DNAJC11: variants seen among roughly 807,000 people sequenced by gnomAD.
DNAJC11 encodes DnaJ heat shock protein family (Hsp40) member C11.
A neutral mutation model predicts 78.6 loss-of-function variants in DNAJC11; 15 were observed. The ratio of observed to expected loss-of-function variants is 0.19; its 90% CI spans 0.13 to 0.29. The LOEUF (loss-of-function observed/expected upper bound fraction) is 0.29, where lower values mean the gene tolerates loss of function less well. DNAJC11 is among the 10% of genes least tolerant of loss of function. DNAJC11 has a pLI of 1.00. For missense variants in DNAJC11, 547 were observed against 709.6 expected, an observed-to-expected ratio of 0.77 and a Z score of 2.60; for synonymous variants, 292 against 272.1, an observed-to-expected ratio of 1.07 and a Z score of -0.72.
chr1:6,665,798 TC>T (rs1642284724), intron 4 of DNAJC11, among the ~76,000 whole-genome samples: 1 of 152,112 alleles, frequency 6.6e-6, no homozygotes, highest in Non-Finnish European at 1.5e-5. Flanking sequence ...ACAGCAAACC[TC>T]CAGCCAGAAC....
intron 3 of DNAJC11, among the ~76,000 whole-genome samples, chr1:6,668,434 G>A (rs1018855348): frequency 3.3e-5 from 5 of 151,896 alleles, no homozygotes; most frequent in African/African-American, 9.7e-5. Flanking sequence ...CCACTGCGCC[G>A]GCCTACCTTA....
intron 14 of DNAJC11, among the ~76,000 whole-genome samples, chr1:6,636,450 C>T (rs1418133221): frequency 6.6e-6 from 1 of 152,198 alleles, no homozygotes; most frequent in Non-Finnish European, 1.5e-5. Context: ...CACACTAAGA[C>T]AGGGCCACCA....
intron 4 of DNAJC11, 34 bp from the exon 5 acceptor site, chr1:6,654,073 G>T: frequency 6.2e-7 from 1 of 1,605,750 alleles, no homozygotes; most frequent in Non-Finnish European, 8.5e-7. Context: ...AGCAGAACGG[G>T]TGGTATTTGT....
In DNAJC11 at chr1:6,653,735, A is replaced by G. The variant is rs573141918; in HGVS notation, c.507+176T>C. ...CACTCCTGCTGGCTCACATGCCAGC[A>G]CAGCGGTAACACACGGCTGGGAATG... On this transcript the variant is annotated intron_variant, in intron 5 of 15. Coordinates refer to ENST00000377577, the MANE Select transcript of DNAJC11 (RefSeq NM_018198.4). The surrounding 1 kb of genome is among the most constrained non-coding windows in gnomAD (Gnocchi z 4.5). 4.6e-4 allele frequency: 369 copies of G among 800,474 alleles called. No individual in the cohort carries two copies. The highest frequency in any genetic ancestry group is 6.4e-4 in the Non-Finnish European group (345 of 540,884). The allele number at this position is 800,474 out of a possible 1,614,324, so 49.6% of individuals were successfully genotyped here. A position where few individuals can be genotyped will look rare whatever the true frequency, so the allele number is the denominator to read the frequency against.
At chr1:6,669,610 T>C (rs1404970694) in intron 3 of DNAJC11, among the ~76,000 whole-genome samples, 1 of 151,532 alleles carries the variant, frequency 6.6e-6, no homozygotes, top group African/African-American at 2.4e-5. Context: ...CCTTCTTAGC[T>C]CGTCATGAAA....
At chr1:6,666,863 A>C (rs916889919) in intron 4 of DNAJC11, among the ~76,000 whole-genome samples, 1 of 152,194 alleles carries the variant, frequency 6.6e-6, no homozygotes, top group Admixed American at 6.5e-5. Context: ...TGACAGATAC[A>C]GGCTCTCTGC....
In DNAJC11 at chr1:6,656,304, G is replaced by A. The variant is rs560088311; in HGVS notation, c.379-2265C>T. 2.1e-3 allele frequency among the ~76,000 whole-genome samples: 314 copies of A among 151,512 alleles called. 2 individuals are homozygous for A. Among genetic ancestry groups the A allele is most frequent in the African/African-American group, 7.4e-3 (306 of 41,268 alleles). ...GTAGGAATCTTGGTGGAGCTGTCATGTTTAATTAGGTAAATTTATATTCTG... is the reference window on the plus strand; with the variant it reads ...GTAGGAATCTTGGTGGAGCTGTCATATTTAATTAGGTAAATTTATATTCTG... On this transcript the variant is annotated intron_variant, in intron 4 of 15. Transcript: ENST00000377577.
chr1:6,670,235 T>G (rs1023331101), intron 3 of DNAJC11, among the ~76,000 whole-genome samples: 1 of 152,080 alleles, frequency 6.6e-6, no homozygotes, highest in Non-Finnish European at 1.5e-5. Context: ...TACAAGCTTA[T>G]AGCAAAAAAT....
At chr1:6,678,304 A>T in intron 3 of DNAJC11, 90 bp downstream of exon 3, 1 of 1,273,306 alleles carries the variant, frequency 7.9e-7, no homozygotes, top group South Asian at 1.2e-5. Context: ...ATATTCCCAA[A>T]GACAATATTA....
At chr1:6,679,001 G>A (rs1306659660) in intron 2 of DNAJC11, among the ~76,000 whole-genome samples, 4 of 152,180 alleles carry the variant, frequency 2.6e-5, no homozygotes, top group Non-Finnish European at 4.4e-5. Flanking sequence ...AGATTTTCCA[G>A]TGTCCAAGTT....
chr1:6,666,679 G>T (rs764046460), intron 4 of DNAJC11, among the ~76,000 whole-genome samples: 1 of 152,138 alleles, frequency 6.6e-6, no homozygotes, highest in Non-Finnish European at 1.5e-5. Context: ...TGGGATTATA[G>T]GAGTGAGCCA....
intron 9 of DNAJC11, 147 bp downstream of exon 9, chr1:6,644,894 C>T: frequency 1.2e-6 from 1 of 860,142 alleles, no homozygotes; most frequent in South Asian, 1.5e-5. Flanking sequence ...TGTTAAATCC[C>T]CCACAGCCTC....
intron 7 of DNAJC11, 93 bp from the exon 8 acceptor site, chr1:6,646,071 T>C: frequency 7.5e-7 from 1 of 1,340,162 alleles, no homozygotes. Flanking sequence ...CCTCACTTAC[T>C]GTCACGTCTA....
At position 6,635,458 on chromosome 1, in the gene DNAJC11, G is replaced by A. The variant is rs1641744153; in HGVS notation, c.*217C>T. ...TGGGAAAACAGCCATGGGCCAGGCT[G>A]CAGTCTGGTTCCCAGTGGGGCTGCC... On this transcript the variant is annotated 3_prime_UTR_variant, in exon 16 of 16. Coordinates refer to ENST00000377577, the MANE Select transcript of DNAJC11 (RefSeq NM_018198.4). The A allele has an allele frequency of 7.4e-6, 4 of 542,362 alleles. No individual in the cohort carries two copies. The highest frequency in any genetic ancestry group is 1.3e-5 in the Non-Finnish European group (4 of 305,352). The allele number at this position is 542,362 out of a possible 1,614,324, so 33.6% of individuals were successfully genotyped here.
At chr1:6,689,394 A>G (rs865842673) in intron 1 of DNAJC11, among the ~76,000 whole-genome samples, 16 of 152,212 alleles carry the variant, frequency 1.1e-4, no homozygotes, top group African/African-American at 3.6e-4. Flanking sequence ...TTTGGCTCGA[A>G]TATGGGTTAG....
chr1:6,667,844 G>A (rs1486040392), intron 3 of DNAJC11, 34 bp from the exon 4 acceptor site: 5 of 1,590,560 alleles, frequency 3.1e-6, no homozygotes, highest in Non-Finnish European at 4.3e-6. Flanking sequence ...AGACAGTTGA[G>A]GACCCAGGAG....
At chr1:6,644,717 T>A (rs1220720155) in intron 9 of DNAJC11, 43 bp from the exon 10 acceptor site, 1 of 1,513,920 alleles carries the variant, frequency 6.6e-7, no homozygotes. Flanking sequence ...CCCTCATTCA[T>A]CACTTCAGGG....
rs1642531198 is a variant in DNAJC11 at position 6,680,228 on chromosome 1, A to G, written c.202+680T>C. ...AAAATGGTGGTAAAATATACATATAATATTTACCATTTTAACCATTTTAAA... is the reference window on the plus strand; with the variant it reads ...AAAATGGTGGTAAAATATACATATAGTATTTACCATTTTAACCATTTTAAA... On this transcript the variant is annotated intron_variant, in intron 2 of 15. Transcript: ENST00000377577. This position sits in a 1 kb window ranked among gnomAD's most constrained non-coding sequence, Gnocchi z 4.0. Among the ~76,000 whole-genome samples the G allele has an allele frequency of 6.6e-6, 1 of 152,216 alleles. No individual in the cohort carries two copies.
At chr1:6,686,510 C>A (rs527583642) in intron 1 of DNAJC11, among the ~76,000 whole-genome samples, 5 of 152,324 alleles carry the variant, frequency 3.3e-5, no homozygotes, top group African/African-American at 1.2e-4. Flanking sequence ...AGCAGTCATC[C>A]TGTGCCAATC....
Sources: allele counts gnomAD v4.1 joint callset (sites outside exome capture counted in the v4.1 genomes callset), GRCh38; gene constraint gnomAD v4.1.1; non-coding constraint Gnocchi (gnomAD v3.1); transcripts MANE v1.5; gene names NCBI Gene and HGNC (gene_info 2026-07-23, HGNC 2026-07-21).